The following IL1RAPL2 variants were observed in gnomAD, a reference collection of about 807,000 sequenced individuals.
The protein encoded by IL1RAPL2 is interleukin 1 receptor accessory protein like 2.
A neutral mutation model predicts 44.1 loss-of-function variants in IL1RAPL2; 3 were observed. That is an observed-to-expected ratio of 0.07 (90% CI 0.03 to 0.18). The LOEUF (loss-of-function observed/expected upper bound fraction) is 0.18. Among genes scored for constraint, IL1RAPL2 ranks in the 10% least tolerant of loss-of-function variants. The pLI, the probability that IL1RAPL2 is intolerant of heterozygous loss-of-function variation, is 1.00. For synonymous variants in IL1RAPL2, 181 were observed against 178.8 expected (o/e 1.01, Z -0.10); for missense variants, 391 against 496.4 (o/e 0.79, Z 2.02).
At chrX:105,131,015 A>C (rs2033020979) in intron 2 of IL1RAPL2, among the ~76,000 whole-genome samples, 1 of 111,776 alleles carries the variant, frequency 8.9e-6, no homozygotes, top group African/African-American at 3.2e-5. Context: ...TGAATTTTAC[A>C]GGTAAGAAAA....
intron 2 of IL1RAPL2, among the ~76,000 whole-genome samples, chrX:105,163,251 T>A (rs1327764015): frequency 8.9e-6 from 1 of 111,947 alleles, no homozygotes; most frequent in Non-Finnish European, 1.9e-5. Flanking sequence ...GTTTACTGAT[T>A]CCTGTTCTAT....
chrX:104,643,111 T>C (rs1929966655), intron 1 of IL1RAPL2, among the ~76,000 whole-genome samples: 1 of 112,036 alleles, frequency 8.9e-6, no homozygotes, highest in African/African-American at 3.2e-5. Context: ...CTTTCTAACA[T>C]TGAGTTAGGT....
In IL1RAPL2 at chrX:104,798,430, G is replaced by A. The variant is rs924200051; in HGVS notation, c.82+139435G>A. Among the ~76,000 whole-genome samples the A allele has an allele frequency of 5.5e-5, 6 of 109,352 alleles. 1 individual carries two copies. Among genetic ancestry groups the A allele is most frequent in the South Asian group, 8.1e-4 (2 of 2,474 alleles). 95.0% of individuals were successfully genotyped at this position (109,352 alleles called of 115,157 possible). ...TCCCAGCACTTTGGGAGGCCGAGGC[G>A]GGCGGATCACAAGGTCAGGAGATGG... On this transcript the variant is annotated intron_variant, in intron 2 of 10. Coordinates refer to ENST00000372582, the MANE Select transcript of IL1RAPL2 (RefSeq NM_017416.2).
At chrX:105,328,482 G>A (rs1463308057) in intron 5 of IL1RAPL2, among the ~76,000 whole-genome samples, 1 of 111,667 alleles carries the variant, frequency 9.0e-6, no homozygotes, top group Non-Finnish European at 1.9e-5. Context: ...TTGAAATTAA[G>A]AAGAGGTTTT....
chrX:105,382,101 A>G (rs1421579488), intron 5 of IL1RAPL2, among the ~76,000 whole-genome samples: 1 of 110,530 alleles, frequency 9.0e-6, no homozygotes, highest in Non-Finnish European at 1.9e-5. Flanking sequence ...ATGGCAACAA[A>G]AGCCAAAATT....
At chrX:105,342,697 T>A (rs1398018062) in intron 5 of IL1RAPL2, among the ~76,000 whole-genome samples, 2 of 112,476 alleles carry the variant, frequency 1.8e-5, no homozygotes, top group Non-Finnish European at 3.7e-5. Flanking sequence ...AGACAGGATG[T>A]AAATTTCTGG....
chrX:104,663,626 C>G (rs1284290122), intron 2 of IL1RAPL2, among the ~76,000 whole-genome samples: 1 of 108,661 alleles, frequency 9.2e-6, no homozygotes, highest in Non-Finnish European at 1.9e-5. Context: ...AGACATGGTA[C>G]TTTTATCTCT....
intron 6 of IL1RAPL2, among the ~76,000 whole-genome samples, chrX:105,702,859 G>T (rs1409495989): frequency 8.9e-6 from 1 of 111,762 alleles, no homozygotes; most frequent in Non-Finnish European, 1.9e-5. Context: ...AAGATGATCT[G>T]GTTGTAAGGA....
chrX:105,213,857 T>C (rs782323626), intron 3 of IL1RAPL2, among the ~76,000 whole-genome samples: 2 of 109,955 alleles, frequency 1.8e-5, no homozygotes, highest in African/African-American at 6.6e-5. Flanking sequence ...AACCCAGAAT[T>C]TCATATCCAG....
rs746411590 is a variant in IL1RAPL2, at chrX:105,096,176, A to G, written c.83-99299A>G. On this transcript the variant is annotated intron_variant, in intron 2 of 10. Coordinates refer to ENST00000372582, the MANE Select transcript of IL1RAPL2 (RefSeq NM_017416.2). ...CACATGGAATGGCTATAATAAGAAA[A>G]GAAAAAGAAGTATTGGTAAGTATGT... Among the ~76,000 whole-genome samples the G allele has an allele frequency of 1.5e-4, 17 of 111,989 alleles. No individual in the cohort carries two copies. The South Asian group carries it at 6.4e-3, about 42-fold the overall frequency.
In IL1RAPL2 at chrX:105,314,015, TATAATC is replaced by T. The variant is rs777825463; in HGVS notation, c.697+46476_697+46481del. On this transcript the variant is annotated intron_variant, in intron 5 of 10. Coordinates refer to ENST00000372582, the MANE Select transcript of IL1RAPL2 (RefSeq NM_017416.2). ...GATGTAGATTTTAGCCCAAGTAAATTATAATCAAAATCTATCTGACACATTGTGCTT... is the reference window on the plus strand; with the variant it reads ...GATGTAGATTTTAGCCCAAGTAAATTAAAATCTATCTGACACATTGTGCTT... 5.4e-5 allele frequency among the ~76,000 whole-genome samples: 6 copies of T among 112,122 alleles called. No homozygotes were observed. The East Asian group carries it at 1.7e-3, about 31-fold the overall frequency.
At chrX:104,635,840 A>G (rs1475386188) in intron 1 of IL1RAPL2, among the ~76,000 whole-genome samples, 2 of 110,638 alleles carry the variant, frequency 1.8e-5, no homozygotes, top group East Asian at 2.9e-4. Flanking sequence ...TCTTCTCTCA[A>G]CTCGTCAAAG....
chrX:104,824,481 C>T (rs1260080412), intron 2 of IL1RAPL2, among the ~76,000 whole-genome samples: 3 of 111,884 alleles, frequency 2.7e-5, no homozygotes, highest in Non-Finnish European at 3.8e-5. Context: ...CCTCTTTGTA[C>T]CTCTGGTAGA....
At chrX:105,380,041 G>A (rs767820464) in intron 5 of IL1RAPL2, among the ~76,000 whole-genome samples, 2 of 111,844 alleles carry the variant, frequency 1.8e-5, no homozygotes, top group African/African-American at 6.5e-5. Context: ...CTAACAGAGA[G>A]CATTAATTTA....
At chrX:105,628,778 G>A (rs1407301064) in intron 6 of IL1RAPL2, among the ~76,000 whole-genome samples, 1 of 111,001 alleles carries the variant, frequency 9.0e-6, no homozygotes, top group African/African-American at 3.3e-5. Flanking sequence ...CCCCATCTCT[G>A]CTAAAAATAG....
chrX:105,589,628 A>T (rs1353621399), intron 6 of IL1RAPL2, among the ~76,000 whole-genome samples: 1 of 110,994 alleles, frequency 9.0e-6, no homozygotes, highest in Non-Finnish European at 1.9e-5. Flanking sequence ...GCATTTTTTG[A>T]ATAGGGAGTT....
chrX:105,145,657 T>G (rs2033172945), intron 2 of IL1RAPL2, among the ~76,000 whole-genome samples: 1 of 111,270 alleles, frequency 9.0e-6, no homozygotes, highest in Non-Finnish European at 1.9e-5. Context: ...GAAGTCCCCC[T>G]CTATGTCCCT....
At chrX:105,631,310 T>G (rs916990468) in intron 6 of IL1RAPL2, among the ~76,000 whole-genome samples, 3 of 111,751 alleles carry the variant, frequency 2.7e-5, no homozygotes, top group Non-Finnish European at 3.8e-5. Flanking sequence ...GTACATCTGG[T>G]GAAATGAATA....
At chrX:105,389,526 C>T (rs1240604422) in intron 5 of IL1RAPL2, among the ~76,000 whole-genome samples, 1 of 111,693 alleles carries the variant, frequency 9.0e-6, no homozygotes, top group East Asian at 2.8e-4. Flanking sequence ...AATAATTGTG[C>T]TCAGTTTTTA....
Sources: gnomAD v4.1 joint callset for allele counts (sites outside exome capture counted in the v4.1 genomes callset) on GRCh38, gnomAD v4.1.1 for gene constraint, MANE v1.5 for transcripts, NCBI Gene and HGNC (gene_info 2026-07-23, HGNC 2026-07-21) for gene names.